The following PHF14 variants were observed in gnomAD, a reference collection of about 807,000 sequenced individuals.
PHF14 encodes PHD finger protein 14.
PHF14 carries 55 observed loss-of-function variants against 117.9 expected under a neutral mutation model. The ratio of observed to expected loss-of-function variants is 0.47; its 90% CI spans 0.38 to 0.58. The LOEUF (loss-of-function observed/expected upper bound fraction) is 0.58. Among genes scored for constraint, PHF14 ranks in the 20% least tolerant of loss-of-function variants. The probability of loss-of-function intolerance (pLI) is 0.00; values close to 1 mark genes in which losing one functional copy is unlikely to be tolerated. For synonymous variants in PHF14, 409 were observed against 368.6 expected, an observed-to-expected ratio of 1.11 and a Z score of -1.26; for missense variants, 978 against 1,122.2, an observed-to-expected ratio of 0.87 and a Z score of 1.84.
chr7:11,051,211 T>C (rs1784841768), intron 13 of PHF14, among the ~76,000 whole-genome samples: 1 of 151,616 alleles, frequency 6.6e-6, no homozygotes. Flanking sequence ...TAGTTAATTT[T>C]CTTTTTTTTT....
At position 11,037,050 on chromosome 7, in the gene PHF14, T is replaced by G; in HGVS notation, c.1939T>G (p.Leu647Val). The change falls in exon 10 of 18, where the codon TTA (leucine) becomes GTA (valine). Residue 647 changes from leucine to valine, a missense_variant. Around this residue, in one of 7 missense-constraint regions of PHF14, gnomAD observed 237 missense variants for 276.4 expected, o/e 0.86. Transcript: ENST00000634607. Reference protein sequence around the residue: ...MAEQKNIKDKLENEQEKLHVE... With the variant: ...MAEQKNIKDKVENEQEKLHVE... The stretch of plus-strand genomic sequence containing the variant: ...TGAACAAAAGAATATAAAAGATAAA[T>G]TAGAGAATGAACAAGAAAAGCTTCA... 6.6e-7 allele frequency: 1 copy of G among 1,505,576 alleles called. No individual in the cohort carries two copies. Among genetic ancestry groups the G allele is most frequent in the Non-Finnish European group, 9.1e-7 (1 of 1,098,948 alleles). 93.3% of individuals were successfully genotyped at this position (1,505,576 alleles called of 1,614,324 possible). A position where few individuals can be genotyped will look rare whatever the true frequency, so the allele number is the denominator to read the frequency against.
chr7:11,067,964 A>G (rs1785479029), intron 16 of PHF14, among the ~76,000 whole-genome samples: 1 of 152,194 alleles, frequency 6.6e-6, no homozygotes, highest in Non-Finnish European at 1.5e-5. Flanking sequence ...GGACCCCCCT[A>G]AAGTGGGATC....
In PHF14 at chr7:10,982,770, A is replaced by T; in HGVS notation, c.511A>T (p.Thr171Ser). 6.2e-7 allele frequency: 1 copy of T among 1,613,900 alleles called. No individual in the cohort carries two copies. The highest frequency in any genetic ancestry group is 8.5e-7 in the Non-Finnish European group (1 of 1,179,856). ...NTSPSVPTTT[T>S]ATEEQVSEPK... ...ATCCCCTTCTGTTCCCACTACGACA[A>T]CCGCTACAGAGGAACAAGTCAGCGA... The change falls in exon 3 of 18, where the codon ACC (threonine) becomes TCC (serine). Residue 171 changes from threonine (T) to serine (S), a missense_variant. Thr to Ser is a moderately conservative substitution (Grantham distance 58). Transcript: ENST00000634607.
intron 4 of PHF14, among the ~76,000 whole-genome samples, chr7:11,000,160 G>T (rs1230202010): frequency 2.6e-5 from 4 of 151,982 alleles, no homozygotes; most frequent in Non-Finnish European, 5.9e-5. Flanking sequence ...ATGCAAAAAG[G>T]TCAAAAATAC....
intron 3 of PHF14, among the ~76,000 whole-genome samples, chr7:10,984,396 A>C (rs1782146273): frequency 1.3e-5 from 2 of 152,098 alleles, no homozygotes; most frequent in Admixed American, 1.3e-4. Flanking sequence ...TCTAATTCTT[A>C]CCTTTAAAGG....
At chr7:11,120,173 G>C (rs528202382) in intron 17 of PHF14, among the ~76,000 whole-genome samples, 26 of 152,034 alleles carry the variant, frequency 1.7e-4, no homozygotes, top group African/African-American at 5.3e-4. Flanking sequence ...GTAGATGAAA[G>C]TGTTTTTCTG....
In PHF14 at chr7:11,163,810, A is replaced by T. The variant is rs185176290; in HGVS notation, c.2773-5606A>T. 6.3e-3 allele frequency among the ~76,000 whole-genome samples: 960 copies of T among 152,312 alleles called. 7 individuals carry two copies. The highest frequency in any genetic ancestry group is 0.031 in the Middle Eastern group (9 of 294). On this transcript the variant is annotated intron_variant, in intron 17 of 17. Coordinates refer to ENST00000634607, the MANE Select transcript of PHF14 (RefSeq NM_001007157.2). ...AGTTTTAAATGCTGTTGAGAGTTACATATCTAGCATATGTTTTTAAATGAA... is the reference window on the plus strand; with the variant it reads ...AGTTTTAAATGCTGTTGAGAGTTACTTATCTAGCATATGTTTTTAAATGAA...
At chr7:11,059,613 A>G (rs1216453629) in intron 14 of PHF14, among the ~76,000 whole-genome samples, 1 of 152,040 alleles carries the variant, frequency 6.6e-6, no homozygotes, top group African/African-American at 2.4e-5. Flanking sequence ...TTCTCTAGTA[A>G]AAATGAAAAG....
rs75906406 is a variant in PHF14, at chr7:11,144,610, A to T, written c.2773-24806A>T. Among the ~76,000 whole-genome samples, 288 of 148,464 alleles carry T rather than the reference A, an allele frequency of 1.9e-3. 2 individuals carry two copies. The highest frequency in any genetic ancestry group is 7.2e-3 in the Middle Eastern group (2 of 278). On this transcript the variant is annotated intron_variant, in intron 17 of 17. Coordinates refer to ENST00000634607, the MANE Select transcript of PHF14 (RefSeq NM_001007157.2). Reference sequence around the variant, plus strand: ...AATTAATGTAATATATTTATATAATAATATATAATTATATTTACTAATGTT... The same window carrying T: ...AATTAATGTAATATATTTATATAATTATATATAATTATATTTACTAATGTT...
intron 16 of PHF14, among the ~76,000 whole-genome samples, chr7:11,074,499 C>T (rs150477866): frequency 6.6e-6 from 1 of 152,184 alleles, no homozygotes; most frequent in Admixed American, 6.5e-5. Context: ...CATGAGCCAC[C>T]GTGCCTGGCC....
chr7:11,113,946 A>G (rs948615251), intron 17 of PHF14, among the ~76,000 whole-genome samples: 9 of 152,138 alleles, frequency 5.9e-5, no homozygotes, highest in African/African-American at 2.2e-4. Context: ...CCAGAATGAA[A>G]GTTCATATGC....
At chr7:11,034,143 A>G (rs1053383390) in intron 7 of PHF14, among the ~76,000 whole-genome samples, 3 of 152,102 alleles carry the variant, frequency 2.0e-5, no homozygotes, top group Non-Finnish European at 4.4e-5. Context: ...TTTAATATTA[A>G]GGACACATTA....
rs1453661669 is a variant in PHF14, at chr7:11,047,824, G to GGGAAAGAAGGAA, written c.2313-3777_2313-3766dup. On this transcript the variant is annotated intron_variant, in intron 13 of 17. Transcript: ENST00000634607. ...AGAAGAGGAGGGAGGGCAGGAGGGA[G>GGGAAAGAAGGAA]GGAAAGAAGGAAGGAAAGAAGGGAG... Among the ~76,000 whole-genome samples the GGGAAAGAAGGAA allele has an allele frequency of 3.6e-3, 447 of 125,310 alleles. 4 individuals carry two copies. The highest frequency in any genetic ancestry group is 6.3e-3 in the African/African-American group (213 of 33,636). The allele number at this position is 125,310 out of a possible 152,430, so 82.2% of individuals were successfully genotyped here.
intron 16 of PHF14, among the ~76,000 whole-genome samples, chr7:11,089,920 T>A (rs1429211028): frequency 6.6e-6 from 1 of 152,102 alleles, no homozygotes; most frequent in Non-Finnish European, 1.5e-5. Flanking sequence ...TACAGGCATG[T>A]GCCGTCACGA....
Position 11,101,678 on chromosome 7 carries a change from C to T in PHF14, c.2655-9672C>T, listed in dbSNP as rs548927417. The stretch of plus-strand genomic sequence containing the variant: ...CAGTAACGCTTTATTTGTCTGTGTG[C>T]CACTTTTCACTTTCTTTTTCTCAAT... On this transcript the variant is annotated intron_variant, in intron 16 of 17. Coordinates refer to ENST00000634607, the MANE Select transcript of PHF14 (RefSeq NM_001007157.2). 3.3e-5 allele frequency among the ~76,000 whole-genome samples: 5 copies of T among 151,852 alleles called. No homozygotes were observed. In the East Asian group the frequency reaches 7.7e-4, roughly 23 times the overall value.
chr7:11,033,985 T>G (rs1784220470), intron 7 of PHF14, among the ~76,000 whole-genome samples: 1 of 152,204 alleles, frequency 6.6e-6, no homozygotes, highest in Non-Finnish European at 1.5e-5. Flanking sequence ...CCCAGAGATG[T>G]TAAGCAATTT....
chr7:11,001,025 T>C (rs898886094), intron 4 of PHF14, among the ~76,000 whole-genome samples: 1 of 152,006 alleles, frequency 6.6e-6, no homozygotes, highest in Admixed American at 6.5e-5. Context: ...AATTTAAAAA[T>C]TTTTATAAAT....
intron 16 of PHF14, among the ~76,000 whole-genome samples, chr7:11,082,851 A>C (rs184045938): frequency 6.8e-4 from 103 of 152,088 alleles, no homozygotes; most frequent in Admixed American, 1.4e-3. Context: ...ATAGCCTATT[A>C]ATCCTTTATT....
intron 5 of PHF14, among the ~76,000 whole-genome samples, chr7:11,019,731 T>C (rs1783666416): frequency 6.6e-6 from 1 of 152,174 alleles, no homozygotes. Flanking sequence ...TTATTTCAAT[T>C]TTATTTATTT....
Sources: gnomAD v4.1 joint callset for allele counts (sites outside exome capture counted in the v4.1 genomes callset) on GRCh38, gnomAD v4.1.1 for gene constraint, gnomAD v4.1.1 regional missense constraint, MANE v1.5 for transcripts, NCBI Gene and HGNC (gene_info 2026-07-23, HGNC 2026-07-21) for gene names.